Variants in NSMCE2 observed in about 807,000 individuals in gnomAD.
NSMCE2 encodes the protein E3 SUMO-protein ligase NSE2.
In NSMCE2, 24 loss-of-function variants were observed where a neutral mutation model predicts 23.8. The ratio of observed to expected loss-of-function variants is 1.01; its 90% CI spans 0.73 to 1.42. The LOEUF is 1.42. Ranked by LOEUF, NSMCE2 falls within the 40% of genes most tolerant of loss-of-function variation. The probability of loss-of-function intolerance (pLI) is 0.00; values close to 1 mark genes in which losing one functional copy is unlikely to be tolerated. For missense variants in NSMCE2, 284 were observed against 296.5 expected (o/e 0.96, Z 0.31); for synonymous variants, 92 against 94.1 (o/e 0.98, Z 0.13).
chr8:125,250,369 C>T (rs1267338135), intron 5 of NSMCE2, among the ~76,000 whole-genome samples: 1 of 151,978 alleles, frequency 6.6e-6, no homozygotes, highest in Non-Finnish European at 1.5e-5. Context: ...CCAGATTTTT[C>T]TAGCCCTCTT....
chr8:125,358,607 T>TG (rs1209358846), intron 7 of NSMCE2, among the ~76,000 whole-genome samples: 1 of 152,166 alleles, frequency 6.6e-6, no homozygotes, highest in East Asian at 1.9e-4. Context: ...TTAGCCAGAC[T>TG]GACTGGCATT....
intron 5 of NSMCE2, among the ~76,000 whole-genome samples, chr8:125,186,075 T>C (rs1434267987): frequency 6.6e-6 from 1 of 152,260 alleles, no homozygotes; most frequent in African/African-American, 2.4e-5. Flanking sequence ...CCTGATTTTC[T>C]ATGGCCTGCA....
intron 5 of NSMCE2, among the ~76,000 whole-genome samples, chr8:125,286,393 A>G (rs955356930): frequency 4.6e-5 from 7 of 151,130 alleles, no homozygotes; most frequent in African/African-American, 1.7e-4. Flanking sequence ...GCTCACTGCA[A>G]CCTCCGCCTC....
At chr8:125,243,674 A>G (rs1189601106) in intron 5 of NSMCE2, among the ~76,000 whole-genome samples, 1 of 152,188 alleles carries the variant, frequency 6.6e-6, no homozygotes, top group Admixed American at 6.5e-5. Context: ...TAAGAACTAT[A>G]AAGAACTATA....
chr8:125,261,352 C>A (rs2131049264), intron 5 of NSMCE2, among the ~76,000 whole-genome samples: 1 of 152,292 alleles, frequency 6.6e-6, no homozygotes, highest in South Asian at 2.1e-4. Context: ...GCTAGGTATT[C>A]AAATTTAGTC....
intron 2 of NSMCE2, 69 bp downstream of exon 2, chr8:125,102,215 T>G: frequency 1.3e-6 from 1 of 787,720 alleles, no homozygotes; most frequent in Non-Finnish European, 2.1e-6. Flanking sequence ...TATGAGATAT[T>G]GGATACATTT....
chr8:125,267,216 C>T (rs1826959127), intron 5 of NSMCE2, among the ~76,000 whole-genome samples: 1 of 152,006 alleles, frequency 6.6e-6, no homozygotes, highest in African/African-American at 2.4e-5. Context: ...CCGTGTTGGC[C>T]AGGCTGGTCT....
At chr8:125,211,121 A>C (rs914004097) in intron 5 of NSMCE2, among the ~76,000 whole-genome samples, 2 of 152,110 alleles carry the variant, frequency 1.3e-5, no homozygotes, top group African/African-American at 4.8e-5. Flanking sequence ...TCTATTATAC[A>C]TTTTATATGT....
At chr8:125,144,024 G>C (rs998394555) in intron 3 of NSMCE2, among the ~76,000 whole-genome samples, 1 of 152,262 alleles carries the variant, frequency 6.6e-6, no homozygotes, top group East Asian at 1.9e-4. Flanking sequence ...AGAGATAAAT[G>C]TGTGTGGACG....
At chr8:125,342,586 C>G (rs1830290389) in intron 5 of NSMCE2, among the ~76,000 whole-genome samples, 1 of 152,142 alleles carries the variant, frequency 6.6e-6, no homozygotes, top group African/African-American at 2.4e-5. Context: ...TTGGGCTCTG[C>G]AGAAATAAAG....
chr8:125,253,082 T>C (rs1342672965), intron 5 of NSMCE2, among the ~76,000 whole-genome samples: 2 of 152,242 alleles, frequency 1.3e-5, no homozygotes, highest in African/African-American at 4.8e-5. Context: ...GGCATTCTCA[T>C]GATTTCCGAT....
At chr8:125,267,259 C>T (rs569950385) in intron 5 of NSMCE2, among the ~76,000 whole-genome samples, 31 of 152,174 alleles carry the variant, frequency 2.0e-4, no homozygotes, top group African/African-American at 7.0e-4. Flanking sequence ...CTGCCTGCCT[C>T]GGCCTTCCAA....
intron 5 of NSMCE2, among the ~76,000 whole-genome samples, chr8:125,334,889 G>A (rs1405695001): frequency 1.4e-5 from 2 of 146,158 alleles, no homozygotes; most frequent in African/African-American, 2.5e-5. Context: ...CTGATAGCTG[G>A]GACTACAGGA....
intron 5 of NSMCE2, among the ~76,000 whole-genome samples, chr8:125,256,922 C>CAAAAAAAAAAAAAAAAAA (rs60308659): frequency 3.8e-5 from 1 of 26,064 alleles, no homozygotes; most frequent in African/African-American, 1.1e-4. Flanking sequence ...GACTCTGTGT[C>CAAAAAAAAAAAAAAAAAA]AAAAAAAAAA....
intron 5 of NSMCE2, among the ~76,000 whole-genome samples, chr8:125,283,281 G>A (rs1306859608): frequency 6.6e-6 from 1 of 152,168 alleles, no homozygotes; most frequent in Non-Finnish European, 1.5e-5. Flanking sequence ...AGGCATGGTG[G>A]CTCATGCCTG....
intron 3 of NSMCE2, among the ~76,000 whole-genome samples, chr8:125,143,959 C>T (rs75386687): frequency 0.019 from 2,875 of 152,086 alleles, 80 homozygotes; most frequent in African/African-American, 0.066. Flanking sequence ...TGGCTGAGAT[C>T]ATAGGAAACA....
At chr8:125,095,330 C>T (rs1444457301) in intron 1 of NSMCE2, among the ~76,000 whole-genome samples, 1 of 152,012 alleles carries the variant, frequency 6.6e-6, no homozygotes, top group Non-Finnish European at 1.5e-5. Context: ...TGTCTCATGC[C>T]TATAATCCCA....
intron 5 of NSMCE2, among the ~76,000 whole-genome samples, chr8:125,335,399 C>G (rs1830037160): frequency 6.6e-6 from 1 of 152,190 alleles, no homozygotes; most frequent in Non-Finnish European, 1.5e-5. Context: ...AAAACGCACT[C>G]AAGGTGATTA....
rs1822940348 is a variant in NSMCE2 at position 125,183,647 on chromosome 8, G to T, written c.418+1391G>T. Among the ~76,000 whole-genome samples, 3 of 152,022 alleles carry T rather than the reference G, an allele frequency of 2.0e-5. No individual in the cohort carries two copies. The South Asian group carries it at 6.2e-4, about 32-fold the overall frequency. On this transcript the variant is annotated intron_variant, in intron 5 of 7. Transcript: ENST00000287437. ...TTATTACTCAGTGGTGTGTGTGTGT[G>T]TGTGTGTGTGTGTGTATAGTATCTG...
Sources: gnomAD v4.1 joint callset for allele counts (sites outside exome capture counted in the v4.1 genomes callset) on GRCh38, gnomAD v4.1.1 for gene constraint, MANE v1.5 for transcripts, NCBI Gene and HGNC (gene_info 2026-07-23, HGNC 2026-07-21) for gene names.